Variants in SCUBE3 observed in about 807,000 individuals in gnomAD.
SCUBE3 encodes signal peptide, CUB and EGF-like domain-containing protein 3.
Under a neutral mutation model 116.8 loss-of-function variants are expected in SCUBE3, and 33 were observed. The ratio of observed to expected loss-of-function variants is 0.28; its 90% confidence interval spans 0.21 to 0.38. SCUBE3 has a LOEUF of 0.38. Ranked by LOEUF, SCUBE3 falls within the 10% of genes least tolerant of loss-of-function variation. The pLI is 1.00. For synonymous variants in SCUBE3, 418 were observed against 496.9 expected (o/e 0.84, Z 2.11); for missense variants, 1,007 against 1,324.8 (o/e 0.76, Z 3.72).
rs773158577 is a variant in SCUBE3 at position 35,244,140 on chromosome 6, C to T, written c.2239+10C>T. On this transcript the variant is annotated intron_variant, in intron 17 of 21. Coordinates refer to ENST00000274938, the MANE Select transcript of SCUBE3 (RefSeq NM_152753.4). This position sits in a 1 kb window ranked among gnomAD's most constrained non-coding sequence, Gnocchi z 4.3. Reference sequence around the variant, plus strand: ...GACTGTGACACCAAAGGTGAGTAAGCTACTCACCTCCCTGGGGGATGCCCC... The same window carrying T: ...GACTGTGACACCAAAGGTGAGTAAGTTACTCACCTCCCTGGGGGATGCCCC... 11 of 1,607,004 alleles carry T rather than the reference C, an allele frequency of 6.8e-6. No homozygotes were observed. Among genetic ancestry groups the T allele is most frequent in the Non-Finnish European group, 8.5e-6 (10 of 1,174,760 alleles).
chr6:35,244,603 C>T lies in SCUBE3; in HGVS notation c.2240-47C>T, dbSNP rs762340383. ...CCTGTCCATCCCATGCCCCGTAACT[C>T]CCACCTGCCTACCATCTTGATTCCT... is the stretch of plus-strand genomic sequence containing the variant. On this transcript the variant is annotated intron_variant, in intron 17 of 21. Coordinates refer to ENST00000274938, the MANE Select transcript of SCUBE3 (RefSeq NM_152753.4). The surrounding 1 kb of genome is among the most constrained non-coding windows in gnomAD (Gnocchi z 4.3). 3 of 1,552,496 alleles carry T rather than the reference C, an allele frequency of 1.9e-6. No individual in the cohort carries two copies. The Admixed American group carries it at 5.0e-5, about 26-fold the overall frequency.
intron 21 of SCUBE3, among the ~76,000 whole-genome samples, chr6:35,247,618 T>C (rs1406283170): frequency 6.6e-6 from 1 of 152,218 alleles, no homozygotes; most frequent in African/African-American, 2.4e-5. Context: ...ATAATACTTT[T>C]CAAACATTTT....
intron 1 of SCUBE3, chr6:35,221,796 A>C (rs1783127215): frequency 6.6e-6 from 1 of 152,250 alleles, no homozygotes; most frequent in Non-Finnish European, 1.5e-5. Context: ...GGTACAAGGT[A>C]GCATATGAGG....
At chr6:35,242,011 C>T in intron 12 of SCUBE3, 101 bp downstream of exon 12, 1 of 951,910 alleles carries the variant, frequency 1.1e-6, no homozygotes, top group Non-Finnish European at 1.7e-6. Flanking sequence ...CTCCTGGATC[C>T]TCTTTTTTGC....
chr6:35,232,833 C>A lies in SCUBE3; in HGVS notation c.470-17C>A. ...TCCAGGGGTACAGAGCATTCACACC[C>A]CTTTCTTCTCTTTTAGAAGGAATGA... On this transcript the variant is annotated splice_polypyrimidine_tract_variant and intron_variant, in intron 4 of 21. Transcript: ENST00000274938. This position sits in a 1 kb window ranked among gnomAD's most constrained non-coding sequence, Gnocchi z 4.2. 1 of 1,613,872 alleles carries A rather than the reference C, an allele frequency of 6.2e-7. No homozygotes were observed. Among genetic ancestry groups the A allele is most frequent in the Non-Finnish European group, 8.5e-7 (1 of 1,179,784 alleles).
In SCUBE3 at chr6:35,245,866, C is replaced by T. The variant is rs372469112; in HGVS notation, c.2600-78C>T. On this transcript the variant is annotated intron_variant, in intron 19 of 21. Coordinates refer to ENST00000274938, the MANE Select transcript of SCUBE3 (RefSeq NM_152753.4). This position sits in a 1 kb window ranked among gnomAD's most constrained non-coding sequence, Gnocchi z 4.2. The stretch of plus-strand genomic sequence containing the variant: ...TTCTCTTGCCCTATACCCCCACCAC[C>T]AGCTGTACAGCCCACGTTCTAGGAG... 23 of 1,480,062 alleles carry T rather than the reference C, an allele frequency of 1.6e-5. No homozygotes were observed. The East Asian group carries it at 3.2e-4, about 20-fold the overall frequency. The allele number at this position is 1,480,062 out of a possible 1,614,324, so 91.7% of individuals were successfully genotyped here. A position where few individuals can be genotyped will look rare whatever the true frequency, so the allele number is the denominator to read the frequency against.
Position 35,228,726 on chromosome 6 carries a change from A to C in SCUBE3, c.321A>C (p.Gly107=). 1.2e-6 allele frequency: 2 copies of C among 1,614,160 alleles called. No homozygotes were observed. The highest frequency in any genetic ancestry group is 1.7e-6 in the Non-Finnish European group (2 of 1,179,996). ...CYDGFHLAHD[G]HNCLDVDECA... ...ATGGATTCCACCTGGCACATGACGG[A>C]CACAACTGTCTGGGTAAGCAAAGGA... Residue 107 remains glycine, a synonymous_variant, in exon 3 of 22, where the codon GGA becomes GGC. Coordinates refer to ENST00000274938, the MANE Select transcript of SCUBE3 (RefSeq NM_152753.4). This position sits in a 1 kb window ranked among gnomAD's most constrained non-coding sequence, Gnocchi z 4.9.
In SCUBE3 at chr6:35,241,278, C is replaced by T. The variant is rs1214153685; in HGVS notation, c.1195+12C>T. Reference sequence around the variant, plus strand: ...CAAAGATTGCACAGGTGGGCAGTGCCCTCTGCTGGCCAAAGATGACACTGC... The same window carrying T: ...CAAAGATTGCACAGGTGGGCAGTGCTCTCTGCTGGCCAAAGATGACACTGC... On this transcript the variant is annotated intron_variant, in intron 10 of 21. Coordinates refer to ENST00000274938, the MANE Select transcript of SCUBE3 (RefSeq NM_152753.4). This position sits in a 1 kb window ranked among gnomAD's most constrained non-coding sequence, Gnocchi z 4.1. 2 of 1,581,122 alleles carry T rather than the reference C, an allele frequency of 1.3e-6. No individual in the cohort carries two copies. Among genetic ancestry groups the T allele is most frequent in the Non-Finnish European group, 1.7e-6 (2 of 1,157,938 alleles).
chr6:35,241,757 G>A lies in SCUBE3; in HGVS notation c.1313-49G>A, dbSNP rs186415090. 122 of 1,540,396 alleles carry A rather than the reference G, an allele frequency of 7.9e-5. No homozygotes were observed. Among genetic ancestry groups the A allele is most frequent in the Non-Finnish European group, 1.0e-4 (116 of 1,112,728 alleles). On this transcript the variant is annotated intron_variant, in intron 11 of 21. Transcript: ENST00000274938. This position sits in a 1 kb window ranked among gnomAD's most constrained non-coding sequence, Gnocchi z 4.1. ...CATTCCCCCTGGATTCCTCCAGCCA[G>A]CGGGGGTTGGGAAGGCAGGTCAGAA...
rs370986360 is a variant in SCUBE3, at chr6:35,217,499, T to C, written c.85+2996T>C. ...ATCCCTGGGACTGAGAGCGTTCATG[T>C]GGTGGCAAACAGTGTCTCTCTGTCT... On this transcript the variant is annotated intron_variant, in intron 1 of 21. Coordinates refer to ENST00000274938, the MANE Select transcript of SCUBE3 (RefSeq NM_152753.4). Among the ~76,000 whole-genome samples, 5 of 151,512 alleles carry C rather than the reference T, an allele frequency of 3.3e-5. No individual in the cohort carries two copies. In the South Asian group the frequency reaches 1.1e-3, roughly 32 times the overall value.
At position 35,233,437 on chromosome 6, in the gene SCUBE3, G is replaced by A. The variant is rs1783633235; in HGVS notation, c.712+136G>A. ...GGACTGGTGAGGGAGTTAAGACCCA[G>A]AAAATGCCAGGTCTAGTAAGGGACA... On this transcript the variant is annotated intron_variant, in intron 6 of 21. Transcript: ENST00000274938. The surrounding 1 kb of genome is among the most constrained non-coding windows in gnomAD (Gnocchi z 5.7). 3 of 636,116 alleles carry A rather than the reference G, an allele frequency of 4.7e-6. No individual in the cohort carries two copies. Among genetic ancestry groups the A allele is most frequent in the Admixed American group, 2.8e-5 (1 of 36,090 alleles). The allele number at this position is 636,116 out of a possible 1,614,324, so 39.4% of individuals were successfully genotyped here. A position where few individuals can be genotyped will look rare whatever the true frequency, so the allele number is the denominator to read the frequency against.
At chr6:35,227,821 T>C in intron 2 of SCUBE3, 119 bp downstream of exon 2, 1 of 919,214 alleles carries the variant, frequency 1.1e-6, no homozygotes, top group Non-Finnish European at 1.6e-6. Context: ...GGTCAAGTGG[T>C]GGGGGGGTGG....
intron 1 of SCUBE3, chr6:35,218,023 A>C (rs974971260): frequency 3.2e-5 from 13 of 412,606 alleles, no homozygotes; most frequent in African/African-American, 2.4e-4. Flanking sequence ...GGGTGGAATA[A>C]GAGAAAGGGG....
chr6:35,217,571 T>G (rs1373871041), intron 1 of SCUBE3, among the ~76,000 whole-genome samples: 2 of 151,996 alleles, frequency 1.3e-5, no homozygotes, highest in East Asian at 3.9e-4. Context: ...GTCTCTTTCT[T>G]TCTCCCACCC....
Position 35,248,680 on chromosome 6 carries a change from C to T in SCUBE3, c.2957C>T (p.Ser986Phe). The change falls in exon 22 of 22, where the codon TCC (serine) becomes TTC (phenylalanine). Residue 986 changes from serine to phenylalanine, a missense_variant. By Grantham distance (155) the Ser-to-Phe change is radical. Coordinates refer to ENST00000274938, the MANE Select transcript of SCUBE3 (RefSeq NM_152753.4). ...ATCAAGCTGCTCCGCTCCAAAGTTT[C>T]CAGCTTCCTGAGGCCCTACAAATAG... ...SFIKLLRSKV[S>F]SFLRPYK The T allele has an allele frequency of 6.2e-7, 1 of 1,614,102 alleles. No individual in the cohort carries two copies. Among genetic ancestry groups the T allele is most frequent in the Non-Finnish European group, 8.5e-7 (1 of 1,180,000 alleles).
chr6:35,227,473 G>T, intron 1 of SCUBE3, 107 bp from the exon 2 acceptor site: 2 of 1,189,470 alleles, frequency 1.7e-6, no homozygotes, highest in South Asian at 2.6e-5. Context: ...GGGGGTCACT[G>T]CCTCTGTTTT....
chr6:35,238,977 G>C (rs1411204717), intron 7 of SCUBE3, among the ~76,000 whole-genome samples: 1 of 152,178 alleles, frequency 6.6e-6, no homozygotes. Flanking sequence ...TATGCTAAGA[G>C]TGAAGTGAAA....
Position 35,245,895 on chromosome 6 carries a change from T to G in SCUBE3, c.2600-49T>G. 2 of 1,602,392 alleles carry G rather than the reference T, an allele frequency of 1.2e-6. No homozygotes were observed. The highest frequency in any genetic ancestry group is 1.7e-6 in the Non-Finnish European group (2 of 1,172,810). On this transcript the variant is annotated intron_variant, in intron 19 of 21. Coordinates refer to ENST00000274938, the MANE Select transcript of SCUBE3 (RefSeq NM_152753.4). This position sits in a 1 kb window ranked among gnomAD's most constrained non-coding sequence, Gnocchi z 4.2. ...TGTACAGCCCACGTTCTAGGAGGGC[T>G]TGGGTAGCCTGCCCTGCTGCTCTAC...
chr6:35,226,449 T>C (rs1783324602), intron 1 of SCUBE3, among the ~76,000 whole-genome samples: 1 of 150,338 alleles, frequency 6.7e-6, no homozygotes, highest in African/African-American at 2.4e-5. Flanking sequence ...CACCATAATA[T>C]TGCCTCAGAA....
Sources: gnomAD v4.1 joint callset for allele counts (sites outside exome capture counted in the v4.1 genomes callset) on GRCh38, gnomAD v4.1.1 for gene constraint, Gnocchi (gnomAD v3.1) non-coding constraint, MANE v1.5 for transcripts, NCBI Gene and HGNC (gene_info 2026-07-23, HGNC 2026-07-21) for gene names.